UGGT2: variants seen among roughly 807,000 people sequenced by gnomAD.
UGGT2 encodes the protein UDP-glucose:glycoprotein glucosyltransferase 2.
In UGGT2, 180 loss-of-function variants were observed where a neutral mutation model predicts 192.1. The observed-to-expected ratio is 0.94, with a 90% CI of 0.83 to 1.06. UGGT2 has a LOEUF of 1.06. UGGT2 is among the 50% of genes least tolerant of loss of function. The pLI, the probability that UGGT2 is intolerant of heterozygous loss-of-function variation, is 0.00. For missense variants in UGGT2, 1,849 were observed against 1,795.7 expected (o/e 1.03, Z -0.54); for synonymous variants, 580 against 591.0 (o/e 0.98, Z 0.27).
At chr13:95,915,394 C>T (rs2048649031) in intron 20 of UGGT2, among the ~76,000 whole-genome samples, 1 of 152,198 alleles carries the variant, frequency 6.6e-6, no homozygotes, top group African/African-American at 2.4e-5. Context: ...CACTTATTGT[C>T]TGTCTCCCTA....
At chr13:95,819,972 A>G (rs976910054) in intron 38 of UGGT2, among the ~76,000 whole-genome samples, 1 of 152,184 alleles carries the variant, frequency 6.6e-6, no homozygotes, top group Non-Finnish European at 1.5e-5. Flanking sequence ...AGCTTGACCT[A>G]CATGGCAAAA....
At chr13:96,023,793 G>A in intron 2 of UGGT2, 34 bp from the exon 3 acceptor site, 1 of 1,542,108 alleles carries the variant, frequency 6.5e-7, no homozygotes, top group East Asian at 2.3e-5. Flanking sequence ...ATAAATGTTA[G>A]CATTTTATAC....
At position 95,884,519 on chromosome 13, in the gene UGGT2, C is replaced by T. The variant is rs1256152335; in HGVS notation, c.3200G>A (p.Cys1067Tyr). The T allele has an allele frequency of 2.5e-6, 4 of 1,612,768 alleles. No individual in the cohort carries two copies. The highest frequency in any genetic ancestry group is 3.4e-6 in the Non-Finnish European group (4 of 1,179,482). Residue 1067 changes from cysteine to tyrosine, a missense_variant, in exon 27 of 39, where the codon TGT becomes TAT. Coordinates refer to ENST00000376747, the MANE Select transcript of UGGT2 (RefSeq NM_020121.4). ...GWLVETVHSN[C>Y]DLDNIHLKDT... Reference sequence around the variant, plus strand: ...CTTTAAGTGAATATTATCAAGGTCACAGTTGCTGTGCACTGTTTCAACCAA... The same window carrying T: ...CTTTAAGTGAATATTATCAAGGTCATAGTTGCTGTGCACTGTTTCAACCAA...
At chr13:95,930,811 A>C (rs1039648034) in intron 17 of UGGT2, among the ~76,000 whole-genome samples, 1 of 152,096 alleles carries the variant, frequency 6.6e-6, no homozygotes, top group Non-Finnish European at 1.5e-5. Context: ...TCTGATGTTC[A>C]GATGTGTTCG....
Position 95,884,659 on chromosome 13 carries a change from T to A in UGGT2, c.3060A>T (p.Glu1020Asp), listed in dbSNP as rs900632773. The change falls in exon 27 of 39, where the codon GAA becomes GAT. Residue 1020 changes from glutamate to aspartate, a missense_variant. Glu to Asp is a conservative substitution (Grantham distance 45). Coordinates refer to ENST00000376747, the MANE Select transcript of UGGT2 (RefSeq NM_020121.4). Reference protein sequence around the residue: ...PLESFYRFVLEPELMSGANDV... With the variant: ...PLESFYRFVLDPELMSGANDV... ...CATTAGCCCCTGACATCAGTTCTGG[T>A]TCCAGAACAAAACGGTAAAAGCTGT... 8 of 1,611,792 alleles carry A rather than the reference T, an allele frequency of 5.0e-6. No homozygotes were observed. Among genetic ancestry groups the A allele is most frequent in the Non-Finnish European group, 6.8e-6 (8 of 1,179,360 alleles).
chr13:96,022,950 A>G (rs1014664758), intron 4 of UGGT2, 90 bp downstream of exon 4: 4 of 799,992 alleles, frequency 5.0e-6, no homozygotes, highest in Non-Finnish European at 5.3e-6. Context: ...ATGTCTTAGA[A>G]TATTAAATTT....
chr13:95,965,740 T>A (rs1835051803), intron 12 of UGGT2, among the ~76,000 whole-genome samples: 1 of 151,970 alleles, frequency 6.6e-6, no homozygotes, highest in Non-Finnish European at 1.5e-5. Flanking sequence ...CTTAAAAGTA[T>A]AATAATAATG....
At chr13:95,989,601 A>C (rs1173586272) in intron 8 of UGGT2, 1 of 361,574 alleles carries the variant, frequency 2.8e-6, no homozygotes, top group Non-Finnish European at 5.7e-6. Context: ...AACAGGATCT[A>C]AATTTCAAAA....
intron 1 of UGGT2, among the ~76,000 whole-genome samples, chr13:96,042,230 G>A (rs2053185477): frequency 6.6e-6 from 1 of 152,172 alleles, no homozygotes; most frequent in African/African-American, 2.4e-5. Flanking sequence ...TACCAGCCTG[G>A]AGCCTGTTAG....
intron 10 of UGGT2, 26 bp downstream of exon 10, chr13:95,983,778 G>A: frequency 6.8e-7 from 1 of 1,466,360 alleles, no homozygotes; most frequent in Non-Finnish European, 9.3e-7. Context: ...TTGGGTAAAT[G>A]TTTTAAAAAA....
intron 10 of UGGT2, among the ~76,000 whole-genome samples, chr13:95,976,736 G>A (rs768536761): frequency 9.9e-5 from 15 of 152,086 alleles, no homozygotes; most frequent in Non-Finnish European, 1.5e-4. Flanking sequence ...AAAAGAGCCC[G>A]TATAGCCAAG....
chr13:95,859,515 T>C (rs1255587077), intron 33 of UGGT2, 76 bp downstream of exon 33: 9 of 1,159,736 alleles, frequency 7.8e-6, no homozygotes, highest in Non-Finnish European at 9.9e-6. Context: ...AAGAGAAATA[T>C]CATATAAACT....
intron 37 of UGGT2, among the ~76,000 whole-genome samples, chr13:95,836,278 G>A (rs567287515): frequency 6.6e-6 from 1 of 152,310 alleles, no homozygotes; most frequent in African/African-American, 2.4e-5. Flanking sequence ...TCGAAGTCCT[G>A]ACCTGAGGTG....
intron 17 of UGGT2, among the ~76,000 whole-genome samples, chr13:95,928,763 C>T (rs1175236442): frequency 6.6e-6 from 1 of 151,980 alleles, no homozygotes; most frequent in Non-Finnish European, 1.5e-5. Flanking sequence ...TGCGGCCAGG[C>T]AGAGATGCTC....
chr13:95,950,533 C>A, intron 12 of UGGT2, among the ~76,000 whole-genome samples: 1 of 126,838 alleles, frequency 7.9e-6, no homozygotes, highest in Admixed American at 8.9e-5. Flanking sequence ...CAATTTCTGG[C>A]TCTCACAAAA....
intron 19 of UGGT2, 23 bp from the exon 20 acceptor site, chr13:95,925,797 T>C: frequency 6.7e-7 from 1 of 1,484,594 alleles, no homozygotes; most frequent in Non-Finnish European, 9.1e-7. Flanking sequence ...AACAGTTTAC[T>C]CAAATTAACT....
At chr13:95,878,876 C>CA (rs1244783804) in intron 27 of UGGT2, among the ~76,000 whole-genome samples, 36 of 151,964 alleles carry the variant, frequency 2.4e-4, no homozygotes, top group Admixed American at 2.4e-3. Flanking sequence ...GTTTTAAGAA[C>CA]AAAAAATAAG....
In UGGT2 at chr13:95,853,577, C is replaced by T; in HGVS notation, c.4250G>A (p.Ser1417Asn). 1.9e-6 allele frequency: 3 copies of T among 1,611,710 alleles called. No individual in the cohort carries two copies. The highest frequency in any genetic ancestry group is 2.5e-6 in the Non-Finnish European group (3 of 1,179,236). The change falls in exon 36 of 39, where the codon AGT (serine) becomes AAT (asparagine). Residue 1417 changes from serine to asparagine, a missense_variant. Transcript: ENST00000376747. The stretch of plus-strand genomic sequence containing the variant: ...GTTTGAAAGACTGTTTGGATCTTGA[C>T]TGAGAGCTTGATACTGGCTCCTGAG... ...DRLRSQYQALSQDPNSLSNLD... is the reference protein window; with the variant it reads ...DRLRSQYQALNQDPNSLSNLD...
rs868760201 is a variant in UGGT2 at position 95,928,330 on chromosome 13, T to G, written c.1978-994A>C. Reference sequence around the variant, plus strand: ...CACCTCCCCGACGGGACGGCTGGCCTGGCGAGGGCTGCCCCCCACCTCCCG... The same window carrying G: ...CACCTCCCCGACGGGACGGCTGGCCGGGCGAGGGCTGCCCCCCACCTCCCG... On this transcript the variant is annotated intron_variant, in intron 17 of 38. Coordinates refer to ENST00000376747, the MANE Select transcript of UGGT2 (RefSeq NM_020121.4). Among the ~76,000 whole-genome samples, 47 of 148,652 alleles carry G rather than the reference T, an allele frequency of 3.2e-4. 1 individual carries two copies. Among genetic ancestry groups the G allele is most frequent in the Middle Eastern group, 3.5e-3 (1 of 284 alleles).
Sources: gnomAD v4.1 joint callset for allele counts (sites outside exome capture counted in the v4.1 genomes callset) on GRCh38, gnomAD v4.1.1 for gene constraint, MANE v1.5 for transcripts, NCBI Gene and HGNC (gene_info 2026-07-23, HGNC 2026-07-21) for gene names.